ADAMTS8: variants seen among roughly 807,000 people sequenced by gnomAD.
ADAMTS8 encodes the protein ADAM metallopeptidase with thrombospondin type 1 motif 8, also known as A disintegrin and metalloproteinase with thrombospondin motifs 8.
ADAMTS8 carries 50 observed loss-of-function variants against 64.4 expected under a neutral mutation model. The observed-to-expected ratio is 0.78, with a 90% CI of 0.62 to 0.98. The LOEUF (loss-of-function observed/expected upper bound fraction) is 0.98. Ranked by LOEUF, ADAMTS8 falls within the 50% of genes least tolerant of loss-of-function variation. The pLI is 0.00. For synonymous variants in ADAMTS8, 556 were observed against 533.6 expected (o/e 1.04, Z -0.58); for missense variants, 1,192 against 1,208.2 (o/e 0.99, Z 0.20).
At position 130,414,845 on chromosome 11, in the gene ADAMTS8, G is replaced by A. The variant is rs1160719062; in HGVS notation, c.1265-13C>T. On this transcript the variant is annotated splice_polypyrimidine_tract_variant and intron_variant, in intron 4 of 8. Coordinates refer to ENST00000257359, the MANE Select transcript of ADAMTS8 (RefSeq NM_007037.6). Reference sequence around the variant, plus strand: ...AGGAGACAGTCTCCTGGGAAAAGAGGAAGCAGGGGTGTAAGAACATGCACA... The same window carrying A: ...AGGAGACAGTCTCCTGGGAAAAGAGAAAGCAGGGGTGTAAGAACATGCACA... 6.3e-7 allele frequency: 1 copy of A among 1,596,324 alleles called. No homozygotes were observed. Among genetic ancestry groups the A allele is most frequent in the Non-Finnish European group, 8.5e-7 (1 of 1,170,292 alleles).
At chr11:130,415,528 C>A (rs1206449873) in intron 4 of ADAMTS8, among the ~76,000 whole-genome samples, 3 of 151,148 alleles carry the variant, frequency 2.0e-5, no homozygotes, top group Non-Finnish European at 2.9e-5. Flanking sequence ...TGGTCTCGAA[C>A]TCCTGACCTT....
At position 130,427,976 on chromosome 11, in the gene ADAMTS8, C is replaced by A. The variant is rs1263242376; in HGVS notation, c.311G>T (p.Gly104Val). The A allele has an allele frequency of 1.3e-6, 2 of 1,530,418 alleles. No homozygotes were observed. The highest frequency in any genetic ancestry group is 1.7e-6 in the Non-Finnish European group (2 of 1,145,034). 94.8% of individuals were successfully genotyped at this position (1,530,418 alleles called of 1,614,324 possible). Residue 104 changes from glycine (G) to valine (V), a missense_variant, in exon 1 of 9, where the codon GGC (glycine) becomes GTC (valine). By Grantham distance (109) the Gly-to-Val change is moderately radical. Around this residue, in one of 5 missense-constraint regions of ADAMTS8, gnomAD observed 741 missense variants for 710.6 expected, o/e 1.04. Transcript: ENST00000257359. ...ERGLRGCFFS[G>V]TVNGEPESLA... ...CGACTCGGGCTCCCCATTCACGGTG[C>A]CGGAGAAGAAGCAGCCGCGCAGCCC...
At position 130,419,403 on chromosome 11, in the gene ADAMTS8, T is replaced by C. The variant is rs952960547; in HGVS notation, c.721-111A>G. The C allele has an allele frequency of 2.7e-5, 40 of 1,465,244 alleles. No individual in the cohort carries two copies. The East Asian group carries it at 8.7e-4, about 32-fold the overall frequency. The allele number at this position is 1,465,244 out of a possible 1,614,324, so 90.8% of individuals were successfully genotyped here. On this transcript the variant is annotated intron_variant, in intron 1 of 8. Coordinates refer to ENST00000257359, the MANE Select transcript of ADAMTS8 (RefSeq NM_007037.6). Reference sequence around the variant, plus strand: ...GTTATGGGGCTGAGCATCAGATTCCTACCAAAGCCTCACAATACCCCCGAG... The same window carrying C: ...GTTATGGGGCTGAGCATCAGATTCCCACCAAAGCCTCACAATACCCCCGAG...
chr11:130,428,339 G>C lies in ADAMTS8; in HGVS notation c.-53C>G, dbSNP rs934202366. 44 of 1,262,876 alleles carry C rather than the reference G, an allele frequency of 3.5e-5. No individual in the cohort carries two copies. Among genetic ancestry groups the C allele is most frequent in the Non-Finnish European group, 4.3e-5 (43 of 992,958 alleles). 78.2% of individuals were successfully genotyped at this position (1,262,876 alleles called of 1,614,324 possible). A position where few individuals can be genotyped will look rare whatever the true frequency, so the allele number is the denominator to read the frequency against. On this transcript the variant is annotated 5_prime_UTR_variant, in exon 1 of 9. Transcript: ENST00000257359. ...GAGAGGGAAGAAGCCCGCCAGGCGCGGGCAGGTGCTGGCGGCCCGAGCGCG... is the reference window on the plus strand; with the variant it reads ...GAGAGGGAAGAAGCCCGCCAGGCGCCGGCAGGTGCTGGCGGCCCGAGCGCG...
chr11:130,425,664 G>T (rs537493005), intron 1 of ADAMTS8, among the ~76,000 whole-genome samples: 1 of 150,558 alleles, frequency 6.6e-6, no homozygotes, highest in Non-Finnish European at 1.5e-5. Flanking sequence ...GCAGTGGCGC[G>T]GTCTCCGCTC....
At chr11:130,427,455 T>G in intron 1 of ADAMTS8, 112 bp downstream of exon 1, 2 of 518,704 alleles carry the variant, frequency 3.9e-6, no homozygotes, top group Non-Finnish European at 5.2e-6. Flanking sequence ...GGAGGGCTTT[T>G]TTTTTTTTTT....
intron 8 of ADAMTS8, 29 bp from the exon 9 acceptor site, chr11:130,406,157 G>C: frequency 6.3e-7 from 1 of 1,581,890 alleles, no homozygotes; most frequent in Non-Finnish European, 8.6e-7. Context: ...GACACCCTTA[G>C]ACCAGTGGCT....
intron 2 of ADAMTS8, among the ~76,000 whole-genome samples, 161 bp from the exon 3 acceptor site, chr11:130,417,236 T>TAA (rs1353654176): frequency 6.6e-6 from 1 of 151,224 alleles, no homozygotes; most frequent in Non-Finnish European, 1.5e-5. Context: ...ATTGAGCTTT[T>TAA]AAATTAAATT....
Position 130,414,798 on chromosome 11 carries a change from C to T in ADAMTS8, c.1299G>A (p.Leu433=), listed in dbSNP as rs764340936. ...DCLLDAPAAA[L]PLPTGLPGRM... ...GGCCCGGGAGGCCTGTGGGGAGGGG[C>T]AGGGCCGCAGCAGGGGCATCCAGGA... is the stretch of plus-strand genomic sequence containing the variant. Residue 433 remains leucine, a synonymous_variant, in exon 5 of 9, where the codon CTG becomes CTA. Transcript: ENST00000257359. 6.2e-7 allele frequency: 1 copy of T among 1,611,602 alleles called. No homozygotes were observed. The highest frequency in any genetic ancestry group is 8.5e-7 in the Non-Finnish European group (1 of 1,178,894).
chr11:130,428,480 T>G lies in ADAMTS8; in HGVS notation c.-194A>C. On this transcript the variant is annotated 5_prime_UTR_variant, in exon 1 of 9. Coordinates refer to ENST00000257359, the MANE Select transcript of ADAMTS8 (RefSeq NM_007037.6). ...GGCCCCTCTGGCTGGCGCAGCCCGC[T>G]CCTCCCGCGCCGCCGCCCCCGAGCC... is the stretch of plus-strand genomic sequence containing the variant. 1.0e-6 allele frequency: 1 copy of G among 988,444 alleles called. No individual in the cohort carries two copies. The highest frequency in any genetic ancestry group is 1.2e-6 in the Non-Finnish European group (1 of 832,024). The allele number at this position is 988,444 out of a possible 1,614,324, so 61.2% of individuals were successfully genotyped here. A position where few individuals can be genotyped will look rare whatever the true frequency, so the allele number is the denominator to read the frequency against.
In ADAMTS8 at chr11:130,428,210, C is replaced by T. The variant is rs1862206507; in HGVS notation, c.77G>A (p.Gly26Asp). ...CCCGGCTGCGGGCCGGGCCGGGGCGCCGCGGGCCAGCGGCAGCAGCAGCAG... is the reference window on the plus strand; with the variant it reads ...CCCGGCTGCGGGCCGGGCCGGGGCGTCGCGGGCCAGCGGCAGCAGCAGCAG... ...LLLLLLPLAR[G>D]APARPAAGGQ... The change falls in exon 1 of 9, where the codon GGC becomes GAC. Residue 26 changes from glycine (G) to aspartate (D), a missense_variant. Physicochemically the swap from Gly to Asp is moderately conservative, Grantham distance 94. Around this residue, in one of 5 missense-constraint regions of ADAMTS8, gnomAD observed 741 missense variants for 710.6 expected, o/e 1.04. Transcript: ENST00000257359. The T allele has an allele frequency of 4.0e-6, 5 of 1,237,732 alleles. No homozygotes were observed. In the East Asian group the frequency reaches 1.7e-4, roughly 42 times the overall value. 76.7% of individuals were successfully genotyped at this position (1,237,732 alleles called of 1,614,324 possible). A position where few individuals can be genotyped will look rare whatever the true frequency, so the allele number is the denominator to read the frequency against.
At chr11:130,422,263 T>C (rs1862109613) in intron 1 of ADAMTS8, among the ~76,000 whole-genome samples, 1 of 150,726 alleles carries the variant, frequency 6.6e-6, no homozygotes. Flanking sequence ...CTGTCTCTAT[T>C]AAAAAAAAAT....
At position 130,411,614 on chromosome 11, in the gene ADAMTS8, T is replaced by C. The variant is rs954258299; in HGVS notation, c.1567-14A>G. On this transcript the variant is annotated splice_polypyrimidine_tract_variant and intron_variant, in intron 5 of 8. Coordinates refer to ENST00000257359, the MANE Select transcript of ADAMTS8 (RefSeq NM_007037.6). The surrounding 1 kb of genome is among the most constrained non-coding windows in gnomAD (Gnocchi z 4.2). Reference sequence around the variant, plus strand: ...ATCTGCCACGGGCTGCAACATACAATGGCACACTGAATGAGGAGCAAAGGC... The same window carrying C: ...ATCTGCCACGGGCTGCAACATACAACGGCACACTGAATGAGGAGCAAAGGC... The C allele has an allele frequency of 6.8e-6, 11 of 1,613,522 alleles. No individual in the cohort carries two copies. In the East Asian group the frequency reaches 2.2e-4, roughly 33 times the overall value.
In ADAMTS8 at chr11:130,405,198, G is replaced by A. The variant is rs936480120; in HGVS notation, c.*360C>T. 3.9e-5 allele frequency: 40 copies of A among 1,033,278 alleles called. No homozygotes were observed. Among genetic ancestry groups the A allele is most frequent in the African/African-American group, 1.2e-4 (7 of 58,956 alleles). 64.0% of individuals were successfully genotyped at this position (1,033,278 alleles called of 1,614,324 possible). ...TCCCCTGTGAGGTAGATTATTTATC[G>A]GGGAAACCAGATAGAATTTTTTTTT... On this transcript the variant is annotated 3_prime_UTR_variant, in exon 9 of 9. Transcript: ENST00000257359.
rs901342011 is a variant in ADAMTS8, at chr11:130,428,125, C to G, written c.162G>C (p.Ala54=). 6.6e-7 allele frequency: 1 copy of G among 1,509,890 alleles called. No individual in the cohort carries two copies. Among genetic ancestry groups the G allele is most frequent in the Non-Finnish European group, 8.8e-7 (1 of 1,138,434 alleles). The allele number at this position is 1,509,890 out of a possible 1,614,324, so 93.5% of individuals were successfully genotyped here. Residue 54 remains alanine (A), a synonymous_variant, in exon 1 of 9, where the codon GCG becomes GCC. Transcript: ENST00000257359. ...TRLPGSAGEL[A]LHLSAFGKGF... Reference sequence around the variant, plus strand: ...CCTTGCCGAAGGCGGACAGGTGGAGCGCGAGCTCGCCCGCGCTGCCGGGCA... The same window carrying G: ...CCTTGCCGAAGGCGGACAGGTGGAGGGCGAGCTCGCCCGCGCTGCCGGGCA...
chr11:130,406,168 G>T, intron 8 of ADAMTS8, 40 bp from the exon 9 acceptor site: 3 of 1,570,562 alleles, frequency 1.9e-6, no homozygotes, highest in Non-Finnish European at 2.6e-6. Context: ...ACCAGTGGCT[G>T]CCCAGCCCAG....
rs1399267695 is a variant in ADAMTS8, at chr11:130,428,030, C to T, written c.257G>A (p.Gly86Asp). The T allele has an allele frequency of 3.3e-6, 5 of 1,527,076 alleles. No homozygotes were observed. Among genetic ancestry groups the T allele is most frequent in the African/African-American group, 2.8e-5 (2 of 71,278 alleles). The allele number at this position is 1,527,076 out of a possible 1,614,324, so 94.6% of individuals were successfully genotyped here. Residue 86 changes from glycine (G) to aspartate (D), a missense_variant, in exon 1 of 9, where the codon GGC becomes GAC. Transcript: ENST00000257359. ...CTCGCCCCCGGTCGCCCGGCCGGAGCCCCCGAGGCGCTCGATCTTGAACTC... is the reference window on the plus strand; with the variant it reads ...CTCGCCCCCGGTCGCCCGGCCGGAGTCCCCGAGGCGCTCGATCTTGAACTC... ...APEFKIERLG[G>D]SGRATGGERG...
chr11:130,408,993 A>G, intron 6 of ADAMTS8, 53 bp from the exon 7 acceptor site: 2 of 1,499,466 alleles, frequency 1.3e-6, no homozygotes, highest in Admixed American at 4.9e-5. Context: ...AAGCAGGAGC[A>G]TCCGGTGGAG....
rs1565376405 is a variant in ADAMTS8 at position 130,414,745 on chromosome 11, T to C, written c.1352A>G (p.Gln451Arg). ...GRMALYQLDQ[Q>R]CRQIFGPDFR... ...ATCCGGCCCAAAGATCTGCCTGCAC[T>C]GCTGGTCCAGCTGGTACAGGGCCAT... Residue 451 changes from glutamine (Q) to arginine (R), a missense_variant, in exon 5 of 9, where the codon CAG (glutamine) becomes CGG (arginine). By Grantham distance (43) the Gln-to-Arg change is conservative (BLOSUM62 1). This residue lies in a region of ADAMTS8 where 741 missense variants were observed against 710.6 expected (regional missense o/e 1.04). Coordinates refer to ENST00000257359, the MANE Select transcript of ADAMTS8 (RefSeq NM_007037.6). 2 of 1,613,454 alleles carry C rather than the reference T, an allele frequency of 1.2e-6. No individual in the cohort carries two copies. Among genetic ancestry groups the C allele is most frequent in the East Asian group, 2.2e-5 (1 of 44,888 alleles).
Sources: allele counts gnomAD v4.1 joint callset (sites outside exome capture counted in the v4.1 genomes callset), GRCh38; gene constraint gnomAD v4.1.1; regional missense constraint gnomAD v4.1.1; non-coding constraint Gnocchi (gnomAD v3.1); transcripts MANE v1.5; gene names NCBI Gene and HGNC (gene_info 2026-07-23, HGNC 2026-07-21).